The following TDRD3 variants were observed in gnomAD, a reference collection of about 807,000 sequenced individuals.
TDRD3 encodes tudor domain-containing protein 3.
A neutral mutation model predicts 86.7 loss-of-function variants in TDRD3; 45 were observed. That is an observed-to-expected ratio of 0.52 (90% CI 0.41 to 0.67). The LOEUF (loss-of-function observed/expected upper bound fraction) is 0.67. Ranked by LOEUF, TDRD3 falls within the 30% of genes least tolerant of loss-of-function variation. The probability of loss-of-function intolerance (pLI) is 0.00; values close to 1 mark genes in which losing one functional copy is unlikely to be tolerated. For synonymous variants in TDRD3, 298 were observed against 301.7 expected (o/e 0.99, Z 0.13); for missense variants, 814 against 889.0 (o/e 0.92, Z 1.07).
intron 11 of TDRD3, among the ~76,000 whole-genome samples, chr13:60,532,701 GA>G (rs1433995092): frequency 6.6e-6 from 1 of 151,990 alleles, no homozygotes; most frequent in Non-Finnish European, 1.5e-5. Flanking sequence ...GGAACTTCTG[GA>G]AAGTTCTTCT....
intron 3 of TDRD3, among the ~76,000 whole-genome samples, chr13:60,445,061 A>C (rs1955368810): frequency 6.6e-6 from 1 of 152,110 alleles, no homozygotes; most frequent in Non-Finnish European, 1.5e-5. Flanking sequence ...TTACCTTTCA[A>C]TTTTATTTAC....
chr13:60,459,074 T>A (rs187002087), intron 3 of TDRD3, among the ~76,000 whole-genome samples: 1 of 152,238 alleles, frequency 6.6e-6, no homozygotes, highest in Non-Finnish European at 1.5e-5. Flanking sequence ...TTTCCAATTA[T>A]GTTCTCTAGG....
At chr13:60,494,305 T>G in intron 7 of TDRD3, 130 bp from the exon 8 acceptor site, 2 of 1,023,460 alleles carry the variant, frequency 2.0e-6, no homozygotes, top group Non-Finnish European at 2.7e-6. Context: ...TAAGTTAATA[T>G]TTTATTTTTT....
intron 12 of TDRD3, among the ~76,000 whole-genome samples, chr13:60,552,062 T>C (rs1056508477): frequency 3.9e-5 from 6 of 152,184 alleles, no homozygotes; most frequent in Non-Finnish European, 5.9e-5. Context: ...TCATATCCTT[T>C]TCACATTTCA....
intron 10 of TDRD3, among the ~76,000 whole-genome samples, chr13:60,525,086 C>CAGAA (rs1555288090): frequency 2.5e-5 from 1 of 39,750 alleles, no homozygotes; most frequent in Non-Finnish European, 4.3e-5. Context: ...AATTTTCTCT[C>CAGAA]AAAAAAAAAA....
chr13:60,498,683 A>G (rs1351578400), intron 8 of TDRD3, among the ~76,000 whole-genome samples: 3 of 152,110 alleles, frequency 2.0e-5, no homozygotes, highest in East Asian at 1.9e-4. Flanking sequence ...CCCCTTGAGG[A>G]AAGACCCCAC....
At chr13:60,515,190 A>T (rs1262971667) in intron 10 of TDRD3, among the ~76,000 whole-genome samples, 1 of 152,246 alleles carries the variant, frequency 6.6e-6, no homozygotes, top group African/African-American at 2.4e-5. Context: ...GATCTGGTAT[A>T]TTTGTAACCT....
chr13:60,500,360 A>G (rs1224316669), intron 8 of TDRD3, among the ~76,000 whole-genome samples: 1 of 152,176 alleles, frequency 6.6e-6, no homozygotes, highest in Non-Finnish European at 1.5e-5. Context: ...AGTGGCTCAA[A>G]TGTCCATGGT....
intron 12 of TDRD3, chr13:60,537,436 T>C (rs1169813030): frequency 6.6e-6 from 1 of 152,076 alleles, no homozygotes; most frequent in Non-Finnish European, 1.5e-5. Flanking sequence ...ATATAGTCTG[T>C]GTTGCTGTCA....
chr13:60,403,395 TATC>T lies in TDRD3; in HGVS notation c.41+5993_41+5995del, dbSNP rs1354549081. ...ACAAAAGAATATTGGCATTTTGACTTATCATGTTTCAGTTAAGTGCCATCAGTC... is the reference window on the plus strand; with the variant it reads ...ACAAAAGAATATTGGCATTTTGACTTATGTTTCAGTTAAGTGCCATCAGTC... On this transcript the variant is annotated intron_variant, in intron 1 of 13. Coordinates refer to ENST00000377881, the MANE Select transcript of TDRD3 (RefSeq NM_001146070.2). Among the ~76,000 whole-genome samples, 3 of 152,360 alleles carry T rather than the reference TATC, an allele frequency of 2.0e-5. No individual in the cohort carries two copies. The East Asian group carries it at 5.8e-4, about 29-fold the overall frequency.
At position 60,518,599 on chromosome 13, in the gene TDRD3, T is replaced by G. The variant is rs539145201; in HGVS notation, c.1141+7844T>G. On this transcript the variant is annotated intron_variant, in intron 10 of 13. Transcript: ENST00000377881. Reference sequence around the variant, plus strand: ...TTTAAGTCATTATAGTATTTTGACTTTGTAAATACATGTAAAAAGGTAGTT... The same window carrying G: ...TTTAAGTCATTATAGTATTTTGACTGTGTAAATACATGTAAAAAGGTAGTT... 5.3e-5 allele frequency among the ~76,000 whole-genome samples: 8 copies of G among 152,342 alleles called. No individual in the cohort carries two copies. In the South Asian group the frequency reaches 1.7e-3, roughly 32 times the overall value.
chr13:60,498,984 A>G (rs1272568062), intron 8 of TDRD3, among the ~76,000 whole-genome samples: 1 of 152,184 alleles, frequency 6.6e-6, no homozygotes, highest in East Asian at 1.9e-4. Flanking sequence ...CAGTGCCAGA[A>G]TGCATAATTG....
chr13:60,504,301 A>T (rs1956891090), intron 8 of TDRD3, among the ~76,000 whole-genome samples: 1 of 152,190 alleles, frequency 6.6e-6, no homozygotes, highest in Non-Finnish European at 1.5e-5. Flanking sequence ...ACTCTTAGCA[A>T]CTTTTACTTT....
At chr13:60,417,357 T>C (rs1954550033) in intron 1 of TDRD3, among the ~76,000 whole-genome samples, 1 of 150,796 alleles carries the variant, frequency 6.6e-6, no homozygotes, top group South Asian at 2.1e-4. Flanking sequence ...TTTCATTTTT[T>C]TTTTTTTTTT....
At chr13:60,453,169 A>T (rs1187289157) in intron 3 of TDRD3, among the ~76,000 whole-genome samples, 2 of 152,244 alleles carry the variant, frequency 1.3e-5, no homozygotes, top group African/African-American at 2.4e-5. Context: ...GACAATACAC[A>T]TGAATAATGT....
chr13:60,430,042 G>A (rs893060866), intron 1 of TDRD3, among the ~76,000 whole-genome samples: 11 of 152,016 alleles, frequency 7.2e-5, no homozygotes, highest in African/African-American at 2.4e-4. Context: ...TTTTCAGTAC[G>A]GTCTTTTTCG....
chr13:60,547,854 C>A (rs1256421751), intron 12 of TDRD3, among the ~76,000 whole-genome samples: 3 of 152,218 alleles, frequency 2.0e-5, no homozygotes, highest in African/African-American at 4.8e-5. Context: ...CCTTCCCACT[C>A]TCACCTTTCT....
intron 7 of TDRD3, among the ~76,000 whole-genome samples, 183 bp downstream of exon 7, chr13:60,486,131 T>C (rs1837354229): frequency 6.6e-6 from 1 of 152,180 alleles, no homozygotes; most frequent in South Asian, 2.1e-4. Context: ...ATTTTATTCA[T>C]GTGTTCTTTT....
intron 8 of TDRD3, among the ~76,000 whole-genome samples, chr13:60,496,987 C>T (rs571996657): frequency 9.9e-5 from 15 of 152,070 alleles, no homozygotes; most frequent in Non-Finnish European, 1.8e-4. Context: ...GGAAGAAAAC[C>T]GTGGAACCCA....
Sources: allele counts gnomAD v4.1 joint callset (sites outside exome capture counted in the v4.1 genomes callset), GRCh38; gene constraint gnomAD v4.1.1; transcripts MANE v1.5; gene names NCBI Gene and HGNC (gene_info 2026-07-23, HGNC 2026-07-21).